HS3ST4: variants seen among roughly 807,000 people sequenced by gnomAD.
HS3ST4 encodes heparan sulfate glucosamine 3-O-sulfotransferase 4.
In HS3ST4, 17 loss-of-function variants were observed where a neutral mutation model predicts 29.2. The observed-to-expected ratio is 0.58, with a 90% CI of 0.40 to 0.87. The LOEUF (loss-of-function observed/expected upper bound fraction) is 0.87. Ranked by LOEUF, HS3ST4 falls within the 40% of genes least tolerant of loss-of-function variation. HS3ST4 has a pLI of 0.00. For missense variants in HS3ST4, 627 were observed against 634.5 expected (o/e 0.99, Z 0.13); for synonymous variants, 314 against 285.7 (o/e 1.10, Z -1.00).
intron 1 of HS3ST4, among the ~76,000 whole-genome samples, chr16:26,026,199 A>C (rs1969471131): frequency 6.6e-6 from 1 of 152,018 alleles, no homozygotes; most frequent in Admixed American, 6.6e-5. Context: ...GAGCCACCGC[A>C]CCCGGCCGGA....
intron 1 of HS3ST4, among the ~76,000 whole-genome samples, chr16:25,826,628 G>A (rs1382437628): frequency 6.6e-6 from 1 of 152,114 alleles, no homozygotes; most frequent in African/African-American, 2.4e-5. Flanking sequence ...TGTGAGGAGT[G>A]GGGTGGGGCT....
chr16:25,994,000 GT>G (rs1969137416), intron 1 of HS3ST4, among the ~76,000 whole-genome samples: 1 of 146,004 alleles, frequency 6.8e-6, no homozygotes, highest in Admixed American at 7.0e-5. Context: ...GTGTGTGTGT[GT>G]GTGTGTGGTG....
chr16:25,864,013 C>CGCCTCTT (rs142114042), intron 1 of HS3ST4, among the ~76,000 whole-genome samples: 3 of 151,672 alleles, frequency 2.0e-5, no homozygotes. Context: ...CTGCTGCCTG[C>CGCCTCTT]CGCCTCTTCG....
intron 1 of HS3ST4, among the ~76,000 whole-genome samples, chr16:25,970,075 A>G (rs537766192): frequency 2.6e-5 from 4 of 152,378 alleles, no homozygotes; most frequent in African/African-American, 4.8e-5. Flanking sequence ...AGCAGTAGAC[A>G]GGACAAAACA....
intron 1 of HS3ST4, among the ~76,000 whole-genome samples, chr16:25,955,572 G>A (rs1290932928): frequency 1.3e-5 from 2 of 152,012 alleles, no homozygotes; most frequent in Admixed American, 1.3e-4. Context: ...GGGATCTGTG[G>A]GCATCATGCT....
chr16:25,696,325 G>GA (rs956386993), intron 1 of HS3ST4, among the ~76,000 whole-genome samples: 16 of 152,174 alleles, frequency 1.1e-4, no homozygotes, highest in African/African-American at 3.9e-4. Flanking sequence ...TCTTCTAAGG[G>GA]ATGGGACCTC....
chr16:25,951,969 TA>T (rs1297301912), intron 1 of HS3ST4, among the ~76,000 whole-genome samples: 1 of 149,482 alleles, frequency 6.7e-6, no homozygotes, highest in Non-Finnish European at 1.5e-5. Context: ...CCCTGGAACT[TA>T]AAAAAAAGAA....
intron 1 of HS3ST4, among the ~76,000 whole-genome samples, chr16:25,834,579 T>C (rs960886141): frequency 6.6e-6 from 1 of 152,192 alleles, no homozygotes; most frequent in Non-Finnish European, 1.5e-5. Flanking sequence ...TATAGTATAA[T>C]TTAAAAATAT....
intron 1 of HS3ST4, among the ~76,000 whole-genome samples, chr16:26,073,812 C>A (rs917921672): frequency 5.3e-5 from 8 of 152,158 alleles, no homozygotes; most frequent in African/African-American, 1.9e-4. Flanking sequence ...TGGTTTCTGA[C>A]AGTTGCTACC....
In HS3ST4 at chr16:25,816,165, C is replaced by T. The variant is rs1967090886; in HGVS notation, c.734+123014C>T. ...TCATGTGACCATGATTTACTACTCA[C>T]CCTCCGTGGCTTTGCAGGGCATGGT... On this transcript the variant is annotated intron_variant, in intron 1 of 1. Coordinates refer to ENST00000331351, the MANE Select transcript of HS3ST4 (RefSeq NM_006040.3). Among the ~76,000 whole-genome samples the T allele has an allele frequency of 4.6e-5, 7 of 152,168 alleles. No homozygotes were observed. In the South Asian group the frequency reaches 1.4e-3, roughly 32 times the overall value.
At chr16:25,949,623 G>A (rs1171538098) in intron 1 of HS3ST4, among the ~76,000 whole-genome samples, 1 of 152,186 alleles carries the variant, frequency 6.6e-6, no homozygotes, top group Non-Finnish European at 1.5e-5. Context: ...GCATAGACAA[G>A]TGGAGATTTG....
At chr16:25,911,646 AT>A (rs1968241384) in intron 1 of HS3ST4, among the ~76,000 whole-genome samples, 1 of 151,270 alleles carries the variant, frequency 6.6e-6, no homozygotes, top group African/African-American at 2.4e-5. Context: ...AGCTGGGACT[AT>A]TACTGGCAGG....
At chr16:25,871,608 CTAT>C (rs1967753450) in intron 1 of HS3ST4, among the ~76,000 whole-genome samples, 1 of 152,130 alleles carries the variant, frequency 6.6e-6, no homozygotes, top group Non-Finnish European at 1.5e-5. Context: ...AAAGTAGCAA[CTAT>C]TATTTGTCAC....
intron 1 of HS3ST4, among the ~76,000 whole-genome samples, chr16:25,726,396 A>G (rs894374730): frequency 2.0e-5 from 3 of 152,174 alleles, no homozygotes; most frequent in Non-Finnish European, 4.4e-5. Context: ...ATTGCTTTCA[A>G]TGTTTTTCTA....
chr16:26,081,143 T>G (rs528051724), intron 1 of HS3ST4, among the ~76,000 whole-genome samples: 2 of 152,144 alleles, frequency 1.3e-5, no homozygotes, highest in South Asian at 4.2e-4. Context: ...AAAAATTAGC[T>G]GGACACTGTG....
At chr16:25,789,753 C>T (rs976090108) in intron 1 of HS3ST4, among the ~76,000 whole-genome samples, 5 of 152,076 alleles carry the variant, frequency 3.3e-5, no homozygotes, top group African/African-American at 1.2e-4. Context: ...TCACTACTCT[C>T]CAATAACTAG....
At chr16:25,879,301 T>C (rs1967869119) in intron 1 of HS3ST4, among the ~76,000 whole-genome samples, 1 of 152,178 alleles carries the variant, frequency 6.6e-6, no homozygotes, top group Non-Finnish European at 1.5e-5. Flanking sequence ...CAACAAAAAT[T>C]TTGATGTTGG....
chr16:25,921,571 T>C (rs906196562), intron 1 of HS3ST4, among the ~76,000 whole-genome samples: 1 of 152,156 alleles, frequency 6.6e-6, no homozygotes, highest in African/African-American at 2.4e-5. Flanking sequence ...CTTTGCCTTA[T>C]GGAGACTGAA....
chr16:25,765,294 C>G (rs1469719429), intron 1 of HS3ST4, among the ~76,000 whole-genome samples: 1 of 152,112 alleles, frequency 6.6e-6, no homozygotes, highest in Non-Finnish European at 1.5e-5. Context: ...GTTCAGTGGG[C>G]CAAGGTGTTA....
Sources: allele counts gnomAD v4.1 joint callset (sites outside exome capture counted in the v4.1 genomes callset), GRCh38; gene constraint gnomAD v4.1.1; transcripts MANE v1.5; gene names NCBI Gene and HGNC (gene_info 2026-07-23, HGNC 2026-07-21).